The following ZNF385D variants were observed in gnomAD, a reference collection of about 807,000 sequenced individuals.
ZNF385D encodes the protein zinc finger protein 659.
ZNF385D carries 15 observed loss-of-function variants against 35.8 expected under a neutral mutation model. The observed-to-expected ratio is 0.42, with a 90% CI of 0.28 to 0.64. ZNF385D has a LOEUF of 0.64. Ranked by LOEUF, ZNF385D falls within the 30% of genes least tolerant of loss-of-function variation. The pLI is 0.23. For missense variants in ZNF385D, 474 were observed against 494.6 expected (o/e 0.96, Z 0.39); for synonymous variants, 212 against 186.8 (o/e 1.13, Z -1.10).
chr3:22,196,768 ATTATTTT>A (rs1696450546), intron 2 of ZNF385D, among the ~76,000 whole-genome samples: 1 of 152,024 alleles, frequency 6.6e-6, no homozygotes, highest in African/African-American at 2.4e-5. Flanking sequence ...TTTTAAAGTT[ATTATTTT>A]TTAGTTTTAC....
At chr3:22,321,067 G>A (rs1274914502) in intron 2 of ZNF385D, among the ~76,000 whole-genome samples, 1 of 150,480 alleles carries the variant, frequency 6.6e-6, no homozygotes, top group Non-Finnish European at 1.5e-5. Flanking sequence ...AATTGTTTCA[G>A]AAACTGTACT....
intron 1 of ZNF385D, among the ~76,000 whole-genome samples, chr3:21,703,741 C>A (rs1421162873): frequency 6.6e-6 from 1 of 151,886 alleles, no homozygotes; most frequent in Non-Finnish European, 1.5e-5. Context: ...TGAAGCTGGC[C>A]ATTATGCTGG....
chr3:22,016,075 G>T (rs551610728), intron 3 of ZNF385D, among the ~76,000 whole-genome samples: 1 of 152,202 alleles, frequency 6.6e-6, no homozygotes, highest in African/African-American at 2.4e-5. Flanking sequence ...ATTCATATTT[G>T]CAGCACTTGC....
chr3:22,259,499 TCAAA>T (rs1158682015), intron 2 of ZNF385D, among the ~76,000 whole-genome samples: 1 of 151,960 alleles, frequency 6.6e-6, no homozygotes, highest in African/African-American at 2.4e-5. Context: ...AGCCTACAAG[TCAAA>T]CACTCATACA....
intron 3 of ZNF385D, among the ~76,000 whole-genome samples, chr3:21,760,440 G>A (rs943323739): frequency 6.6e-6 from 1 of 152,074 alleles, no homozygotes. Context: ...ATCTTCAAAA[G>A]GTAAACAAAG....
intron 3 of ZNF385D, among the ~76,000 whole-genome samples, chr3:21,936,812 G>A (rs1701280815): frequency 6.6e-6 from 1 of 152,008 alleles, no homozygotes; most frequent in Non-Finnish European, 1.5e-5. Flanking sequence ...TTACCTCATT[G>A]TGCTGAAAAA....
chr3:21,837,452 G>A (rs1180611495), intron 3 of ZNF385D, among the ~76,000 whole-genome samples: 1 of 152,066 alleles, frequency 6.6e-6, no homozygotes, highest in African/African-American at 2.4e-5. Flanking sequence ...TACATCCCAG[G>A]CTTCTTCATG....
At chr3:22,078,456 C>T (rs1375981273) in intron 3 of ZNF385D, among the ~76,000 whole-genome samples, 1 of 151,928 alleles carries the variant, frequency 6.6e-6, no homozygotes, top group Admixed American at 6.6e-5. Flanking sequence ...TACTTTTGCT[C>T]CTGTCAAAAG....
chr3:22,335,915 T>C (rs543678502), intron 2 of ZNF385D, among the ~76,000 whole-genome samples: 7 of 152,276 alleles, frequency 4.6e-5, no homozygotes, highest in African/African-American at 1.7e-4. Context: ...TAGTATAAAG[T>C]ATAGCTTTAG....
At chr3:22,309,943 G>T (rs139563926) in intron 2 of ZNF385D, among the ~76,000 whole-genome samples, 3 of 151,942 alleles carry the variant, frequency 2.0e-5, no homozygotes, top group Non-Finnish European at 4.4e-5. Context: ...GAGAAAACTC[G>T]CTAATTCCCA....
chr3:21,499,559 C>T (rs1706211112), intron 4 of ZNF385D, among the ~76,000 whole-genome samples: 1 of 151,806 alleles, frequency 6.6e-6, no homozygotes, highest in Non-Finnish European at 1.5e-5. Flanking sequence ...ATGAAATAAA[C>T]TGGACCCCAA....
intron 2 of ZNF385D, among the ~76,000 whole-genome samples, chr3:22,202,562 C>A (rs747800997): frequency 6.6e-6 from 1 of 151,984 alleles, no homozygotes; most frequent in Non-Finnish European, 1.5e-5. Context: ...ACTTTCTGTA[C>A]CAAAAAGCAC....
chr3:22,031,908 A>G (rs1010869963), intron 3 of ZNF385D, among the ~76,000 whole-genome samples: 2 of 152,346 alleles, frequency 1.3e-5, no homozygotes, highest in East Asian at 1.9e-4. Context: ...CAGCTAGGCC[A>G]TATCTTGAAT....
chr3:22,250,838 T>C (rs1260454407), intron 2 of ZNF385D, among the ~76,000 whole-genome samples: 1 of 152,056 alleles, frequency 6.6e-6, no homozygotes, highest in Non-Finnish European at 1.5e-5. Flanking sequence ...TCAGTGGCTT[T>C]AAAACTAAAT....
rs115803602 is a variant in ZNF385D at position 21,842,141 on chromosome 3, G to T, written c.326-177113C>A. ...TCTTTCAGATGAAAAACCAATGACAGATAACTGGTTATCAATAATAATTCA... is the reference window on the plus strand; with the variant it reads ...TCTTTCAGATGAAAAACCAATGACATATAACTGGTTATCAATAATAATTCA... On this transcript the variant is annotated intron_variant, in intron 3 of 5. Coordinates refer to the ZNF385D transcript ENST00000494108. Among the ~76,000 whole-genome samples the T allele has an allele frequency of 6.6e-3, 1,005 of 151,986 alleles. 5 individuals are homozygous for T. Among genetic ancestry groups the T allele is most frequent in the Non-Finnish European group, 8.9e-3 (603 of 67,930 alleles).
intron 2 of ZNF385D, among the ~76,000 whole-genome samples, chr3:22,326,254 G>T (rs963710019): frequency 6.6e-6 from 1 of 152,178 alleles, no homozygotes; most frequent in Non-Finnish European, 1.5e-5. Context: ...CAAAGTTGTT[G>T]TCTATGTAGA....
chr3:21,421,685 T>C (rs1700746686), intron 7 of ZNF385D, among the ~76,000 whole-genome samples: 1 of 152,212 alleles, frequency 6.6e-6, no homozygotes, highest in South Asian at 2.1e-4. Context: ...AGAAAAGTAC[T>C]CAGCAACCTT....
chr3:21,867,316 G>A (rs964427454), intron 3 of ZNF385D, among the ~76,000 whole-genome samples: 5 of 152,180 alleles, frequency 3.3e-5, no homozygotes, highest in African/African-American at 1.2e-4. Context: ...TTTAACACAT[G>A]AATTTGGAGG....
At chr3:22,137,489 C>T (rs1704219102) in intron 3 of ZNF385D, among the ~76,000 whole-genome samples, 1 of 152,182 alleles carries the variant, frequency 6.6e-6, no homozygotes, top group Non-Finnish European at 1.5e-5. Flanking sequence ...AAATGGGCTT[C>T]ATCCCTGGGA....
Sources: gnomAD v4.1 joint callset for allele counts (sites outside exome capture counted in the v4.1 genomes callset) on GRCh38, gnomAD v4.1.1 for gene constraint, MANE v1.5 for transcripts, NCBI Gene and HGNC (gene_info 2026-07-23, HGNC 2026-07-21) for gene names.